NAALADL2: variants seen among roughly 807,000 people sequenced by gnomAD.
NAALADL2 encodes N-acetylated alpha-linked acidic dipeptidase like 2.
Under a neutral mutation model 87.2 loss-of-function variants are expected in NAALADL2, and 76 were observed. That is an observed-to-expected ratio of 0.87 (90% CI 0.72 to 1.05). NAALADL2 has a LOEUF of 1.05. Among genes scored for constraint, NAALADL2 ranks in the 50% least tolerant of loss-of-function variants. The pLI, the probability that NAALADL2 is intolerant of heterozygous loss-of-function variation, is 0.00. For synonymous variants in NAALADL2, 354 were observed against 331.0 expected, an observed-to-expected ratio of 1.07 and a Z score of -0.75; for missense variants, 1,089 against 945.8, an observed-to-expected ratio of 1.15 and a Z score of -1.99.
chr3:175,029,991 G>A (rs187499497), intron 1 of NAALADL2, among the ~76,000 whole-genome samples: 8 of 152,196 alleles, frequency 5.3e-5, no homozygotes, highest in Admixed American at 3.9e-4. Context: ...TATAATTGAG[G>A]AGGTTAGTGT....
intron 13 of NAALADL2, among the ~76,000 whole-genome samples, chr3:175,780,465 T>A (rs1451831395): frequency 6.6e-6 from 1 of 151,894 alleles, no homozygotes; most frequent in Non-Finnish European, 1.5e-5. Context: ...ATCTCAAAAA[T>A]GTACATAAAA....
At chr3:174,640,670 T>C (rs1723086050) in intron 2 of NAALADL2, among the ~76,000 whole-genome samples, 1 of 152,166 alleles carries the variant, frequency 6.6e-6, no homozygotes, top group African/African-American at 2.4e-5. Context: ...TGTCTGGCCC[T>C]CGGGGCCTTT....
chr3:175,711,683 C>T (rs962058416), intron 11 of NAALADL2, among the ~76,000 whole-genome samples: 5 of 151,724 alleles, frequency 3.3e-5, no homozygotes, highest in Admixed American at 2.6e-4. Flanking sequence ...TTATTTTAAG[C>T]CATTAAACTG....
intron 2 of NAALADL2, among the ~76,000 whole-genome samples, chr3:174,650,723 A>G (rs543826323): frequency 2.0e-5 from 3 of 152,132 alleles, no homozygotes; most frequent in African/African-American, 7.2e-5. Flanking sequence ...TGGAAAAATT[A>G]GGATGTAGAA....
chr3:174,827,353 T>C (rs1447357162), intron 3 of NAALADL2, among the ~76,000 whole-genome samples: 1 of 152,200 alleles, frequency 6.6e-6, no homozygotes, highest in Non-Finnish European at 1.5e-5. Context: ...CTAGGTGTTG[T>C]TGGCAGGACT....
At chr3:175,480,702 A>G (rs1471728790) in intron 9 of NAALADL2, among the ~76,000 whole-genome samples, 1 of 151,888 alleles carries the variant, frequency 6.6e-6, no homozygotes, top group African/African-American at 2.4e-5. Flanking sequence ...ATCAGATTTC[A>G]GTAATATTCA....
At chr3:175,731,245 T>C (rs1743698949) in intron 11 of NAALADL2, among the ~76,000 whole-genome samples, 1 of 152,166 alleles carries the variant, frequency 6.6e-6, no homozygotes, top group Non-Finnish European at 1.5e-5. Context: ...AGTTTCTTTT[T>C]TTTATATGAA....
chr3:175,241,571 A>G (rs574078995), intron 3 of NAALADL2, among the ~76,000 whole-genome samples: 2 of 152,318 alleles, frequency 1.3e-5, no homozygotes, highest in East Asian at 3.9e-4. Context: ...GCTAGTTTCT[A>G]CATATTTAAG....
At chr3:175,213,503 G>T (rs1453443115) in intron 2 of NAALADL2, among the ~76,000 whole-genome samples, 2 of 152,070 alleles carry the variant, frequency 1.3e-5, no homozygotes, top group Non-Finnish European at 2.9e-5. Context: ...AAAATCAAAT[G>T]AAGACACACA....
intron 1 of NAALADL2, among the ~76,000 whole-genome samples, chr3:174,935,399 A>C (rs1737543571): frequency 6.6e-6 from 1 of 152,208 alleles, no homozygotes; most frequent in Non-Finnish European, 1.5e-5. Context: ...AGCTGTGACC[A>C]ATTAAAAAGA....
At chr3:175,791,746 A>G (rs985285049) in intron 13 of NAALADL2, among the ~76,000 whole-genome samples, 6 of 151,880 alleles carry the variant, frequency 4.0e-5, no homozygotes, top group African/African-American at 1.4e-4. Context: ...TACATATAGT[A>G]TATTGTATAT....
chr3:175,270,578 A>G (rs965780254), intron 4 of NAALADL2, among the ~76,000 whole-genome samples: 4 of 152,224 alleles, frequency 2.6e-5, no homozygotes, highest in African/African-American at 9.7e-5. Flanking sequence ...TATTATGAGC[A>G]AAGAGTTCTC....
chr3:175,807,871 A>T lies in NAALADL2; in HGVS notation c.*4668A>T, dbSNP rs1931169. 6.6e-6 allele frequency: 1 copy of T among 151,666 alleles called. No homozygotes were observed. Among genetic ancestry groups the T allele is most frequent in the Admixed American group, 6.6e-5 (1 of 15,164 alleles). The allele number at this position is 151,666 out of a possible 1,614,324, so 9.4% of individuals were successfully genotyped here. A position where few individuals can be genotyped will look rare whatever the true frequency, so the allele number is the denominator to read the frequency against. The stretch of plus-strand genomic sequence containing the variant: ...CTAAACATCCCATTCATTGAAAATA[A>T]TTTTCAGTTAAGTAGATTTGTTTTG... On this transcript the variant is annotated 3_prime_UTR_variant, in exon 14 of 14. Transcript: ENST00000454872.
chr3:174,479,290 CAAT>C (rs1476433982), intron 1 of NAALADL2, among the ~76,000 whole-genome samples: 4 of 152,056 alleles, frequency 2.6e-5, no homozygotes, highest in African/African-American at 9.7e-5. Flanking sequence ...AACATTTTGA[CAAT>C]AATATTTACT....
intron 5 of NAALADL2, among the ~76,000 whole-genome samples, chr3:175,389,376 A>G (rs1768805867): frequency 6.6e-6 from 1 of 152,174 alleles, no homozygotes; most frequent in Admixed American, 6.5e-5. Context: ...CTTCATCCAC[A>G]TTCTATTTGT....
At position 175,289,173 on chromosome 3, in the gene NAALADL2, G is replaced by A. The variant is rs1413850495; in HGVS notation, c.939+32643G>A. On this transcript the variant is annotated intron_variant, in intron 4 of 13. Transcript: ENST00000454872. ...TAACATTTTTGGCATGTCTTTCTTCGTAAGTATCAATTACTATTTTAAAAA... is the reference window on the plus strand; with the variant it reads ...TAACATTTTTGGCATGTCTTTCTTCATAAGTATCAATTACTATTTTAAAAA... 3.3e-5 allele frequency among the ~76,000 whole-genome samples: 5 copies of A among 151,960 alleles called. No homozygotes were observed. The South Asian group carries it at 6.2e-4, about 19-fold the overall frequency.
At chr3:175,530,482 G>A (rs1733949669) in intron 9 of NAALADL2, among the ~76,000 whole-genome samples, 1 of 152,226 alleles carries the variant, frequency 6.6e-6, no homozygotes, top group South Asian at 2.1e-4. Context: ...CCACTGGGAA[G>A]ATTTCCCTTC....
intron 5 of NAALADL2, among the ~76,000 whole-genome samples, chr3:175,376,632 T>C (rs559543451): frequency 1.3e-5 from 2 of 152,292 alleles, no homozygotes; most frequent in East Asian, 1.9e-4. Context: ...CTTTACACTT[T>C]TGGGGTTTGT....
chr3:175,275,740 C>T (rs1753499585), intron 4 of NAALADL2, among the ~76,000 whole-genome samples: 4 of 151,978 alleles, frequency 2.6e-5, no homozygotes, highest in Admixed American at 2.6e-4. Flanking sequence ...TTTTCTAACC[C>T]TAAAATGCAA....
Sources: allele counts gnomAD v4.1 joint callset (sites outside exome capture counted in the v4.1 genomes callset), GRCh38; gene constraint gnomAD v4.1.1; transcripts MANE v1.5; gene names NCBI Gene and HGNC (gene_info 2026-07-23, HGNC 2026-07-21).